The following EBF2 variants were observed in gnomAD, a reference collection of about 807,000 sequenced individuals.
The protein encoded by EBF2 is transcription factor COE2.
A neutral mutation model predicts 72.8 loss-of-function variants in EBF2; 21 were observed. That is an observed-to-expected ratio of 0.29 (90% CI 0.20 to 0.42). The LOEUF (loss-of-function observed/expected upper bound fraction) is 0.42, where lower values mean the gene tolerates loss of function less well. EBF2 is among the 10% of genes least tolerant of loss of function. The pLI is 1.00. For missense variants in EBF2, 637 were observed against 731.2 expected (o/e 0.87, Z 1.49); for synonymous variants, 299 against 274.2 (o/e 1.09, Z -0.89).
chr8:25,895,996 A>C (rs1288073749), intron 7 of EBF2, among the ~76,000 whole-genome samples: 1 of 151,904 alleles, frequency 6.6e-6, no homozygotes, highest in Non-Finnish European at 1.5e-5. Context: ...TGTATGATTT[A>C]GTTGAATTAC....
chr8:25,867,730 A>G (rs1266227558), intron 10 of EBF2, among the ~76,000 whole-genome samples: 2 of 152,046 alleles, frequency 1.3e-5, no homozygotes, highest in Non-Finnish European at 2.9e-5. Flanking sequence ...TAAATATCCA[A>G]CTGTTGGCTA....
At chr8:25,951,904 T>C (rs1392870086) in intron 6 of EBF2, among the ~76,000 whole-genome samples, 1 of 152,240 alleles carries the variant, frequency 6.6e-6, no homozygotes, top group Non-Finnish European at 1.5e-5. Context: ...ATTAATCATT[T>C]ATTAAAGATT....
At chr8:25,905,828 T>C (rs367866982) in intron 7 of EBF2, among the ~76,000 whole-genome samples, 1 of 152,180 alleles carries the variant, frequency 6.6e-6, no homozygotes, top group East Asian at 1.9e-4. Context: ...GTGAATTGTA[T>C]GTTATATGAA....
chr8:25,927,058 G>A (rs147103421), intron 6 of EBF2, among the ~76,000 whole-genome samples: 1 of 152,182 alleles, frequency 6.6e-6, no homozygotes, highest in Non-Finnish European at 1.5e-5. Flanking sequence ...TACACTGAAG[G>A]TACATCTACA....
chr8:25,851,846 G>A (rs532137991), intron 14 of EBF2, among the ~76,000 whole-genome samples: 1 of 152,300 alleles, frequency 6.6e-6, no homozygotes, highest in African/African-American at 2.4e-5. Flanking sequence ...CCAAGTACAA[G>A]GTGAACTGAA....
At chr8:25,911,401 T>A (rs1383651549) in intron 6 of EBF2, among the ~76,000 whole-genome samples, 1 of 152,218 alleles carries the variant, frequency 6.6e-6, no homozygotes, top group Non-Finnish European at 1.5e-5. Context: ...AGGTTTATCC[T>A]CATGTTACAG....
chr8:25,998,652 G>T (rs1804674824), intron 6 of EBF2, among the ~76,000 whole-genome samples: 1 of 152,234 alleles, frequency 6.6e-6, no homozygotes, highest in East Asian at 1.9e-4. Context: ...TGACTCCCTG[G>T]TTGTAAGTGT....
intron 6 of EBF2, among the ~76,000 whole-genome samples, chr8:25,955,141 C>T (rs989382206): frequency 6.6e-6 from 1 of 152,222 alleles, no homozygotes; most frequent in South Asian, 2.1e-4. Context: ...AAGAGCATAC[C>T]ACTCTAGCGC....
intron 10 of EBF2, among the ~76,000 whole-genome samples, chr8:25,874,036 T>C (rs1315308587): frequency 2.0e-5 from 3 of 152,204 alleles, no homozygotes; most frequent in African/African-American, 4.8e-5. Context: ...AGGGGGGCTA[T>C]TGACTCAACC....
intron 6 of EBF2, among the ~76,000 whole-genome samples, chr8:26,030,247 C>T (rs1286231539): frequency 6.6e-6 from 1 of 152,208 alleles, no homozygotes; most frequent in Non-Finnish European, 1.5e-5. Context: ...AAAAGCCCTT[C>T]TTGTGTCCAT....
chr8:25,913,166 G>C (rs1041949246), intron 6 of EBF2, among the ~76,000 whole-genome samples: 5 of 152,170 alleles, frequency 3.3e-5, no homozygotes, highest in Non-Finnish European at 5.9e-5. Flanking sequence ...CATAAGGCCA[G>C]GTGCGGTGGC....
At chr8:26,005,077 C>T (rs1331892852) in intron 6 of EBF2, among the ~76,000 whole-genome samples, 4 of 148,402 alleles carry the variant, frequency 2.7e-5, no homozygotes, top group Admixed American at 2.1e-4. Flanking sequence ...AACACAAGTA[C>T]AATGGCAAAA....
At chr8:25,915,615 A>G (rs1803201457) in intron 6 of EBF2, among the ~76,000 whole-genome samples, 1 of 151,552 alleles carries the variant, frequency 6.6e-6, no homozygotes, top group African/African-American at 2.4e-5. Flanking sequence ...TTGGAAAAAA[A>G]AAAAAAAAAA....
At chr8:25,861,970 C>T (rs1802220092) in intron 11 of EBF2, among the ~76,000 whole-genome samples, 1 of 152,104 alleles carries the variant, frequency 6.6e-6, no homozygotes, top group African/African-American at 2.4e-5. Context: ...TGCTATTAAC[C>T]TACTTTCCAG....
At chr8:25,857,415 G>A (rs1267293695) in intron 14 of EBF2, among the ~76,000 whole-genome samples, 1 of 152,136 alleles carries the variant, frequency 6.6e-6, no homozygotes, top group Non-Finnish European at 1.5e-5. Context: ...CCCTTGACAT[G>A]TCCTTGCTCT....
At position 25,858,436 on chromosome 8, in the gene EBF2, T is replaced by A; in HGVS notation, c.1411A>T (p.Asn471Tyr). The change falls in exon 14 of 16, where the codon AAT (asparagine) becomes TAT (tyrosine). Residue 471 changes from asparagine to tyrosine, a missense_variant. By Grantham distance (143) the Asn-to-Tyr change is moderately radical. This residue lies in a region of EBF2 where 259 missense variants were observed against 268.1 expected (regional missense o/e 0.97). Transcript: ENST00000520164. The stretch of plus-strand genomic sequence containing the variant: ...ATACTGTTGCTGGAGGTACTGTAAT[T>A]AGACTGTTGAGGCGTGGAGCTGGAA... ...YSSSSTPQQS[N>Y]YSTSSNSMNG... is the part of the protein sequence containing the mutation. 1 of 1,614,086 alleles carries A rather than the reference T, an allele frequency of 6.2e-7. No individual in the cohort carries two copies. The highest frequency in any genetic ancestry group is 8.5e-7 in the Non-Finnish European group (1 of 1,180,006).
At chr8:25,850,279 A>G (rs1346650622) in intron 15 of EBF2, among the ~76,000 whole-genome samples, 4 of 151,978 alleles carry the variant, frequency 2.6e-5, no homozygotes, top group African/African-American at 4.8e-5. Context: ...CACCCAGCTA[A>G]TTTTTGTATT....
intron 14 of EBF2, chr8:25,858,002 C>T (rs1407913464): frequency 1.3e-5 from 6 of 476,804 alleles, no homozygotes; most frequent in Non-Finnish European, 2.4e-5. Flanking sequence ...CTGAAAGTGC[C>T]TAAGAGCACA....
chr8:26,010,564 G>A (rs1482244601), intron 6 of EBF2, among the ~76,000 whole-genome samples: 1 of 152,184 alleles, frequency 6.6e-6, no homozygotes, highest in African/African-American at 2.4e-5. Flanking sequence ...ACCCAGCGAC[G>A]CGCAGCTGAG....
Sources: allele counts gnomAD v4.1 joint callset (sites outside exome capture counted in the v4.1 genomes callset), GRCh38; gene constraint gnomAD v4.1.1; regional missense constraint gnomAD v4.1.1; transcripts MANE v1.5; gene names NCBI Gene and HGNC (gene_info 2026-07-23, HGNC 2026-07-21).